Variants in CLTC observed in about 807,000 individuals in gnomAD.
CLTC encodes clathrin heavy chain, also known as clathrin heavy chain 1.
CLTC carries 16 observed loss-of-function variants against 195.8 expected under a neutral mutation model. That is an observed-to-expected ratio of 0.08 (90% CI 0.06 to 0.12). CLTC has a LOEUF of 0.12. CLTC is among the 10% of genes least tolerant of loss of function. CLTC has a pLI of 1.00. For missense variants in CLTC, 796 were observed against 2,027.0 expected (o/e 0.39, Z 11.66); for synonymous variants, 667 against 689.4 (o/e 0.97, Z 0.51).
intron 10 of CLTC, 113 bp downstream of exon 10, chr17:59,665,022 C>G: frequency 7.3e-7 from 1 of 1,363,758 alleles, no homozygotes; most frequent in Admixed American, 2.1e-5. Flanking sequence ...GCCAAGAATT[C>G]AAGACCAGTC....
intron 18 of CLTC, 112 bp downstream of exon 18, chr17:59,679,631 G>A (rs2033041096): frequency 1.1e-6 from 1 of 926,284 alleles, no homozygotes; most frequent in Admixed American, 3.3e-5. Flanking sequence ...AACTATGAGA[G>A]AAAGCAATAC....
intron 1 of CLTC, among the ~76,000 whole-genome samples, chr17:59,631,057 G>A (rs2031699931): frequency 6.6e-6 from 1 of 152,198 alleles, no homozygotes; most frequent in African/African-American, 2.4e-5. Flanking sequence ...CACATCTTCT[G>A]ACAGCTTTTT....
intron 2 of CLTC, among the ~76,000 whole-genome samples, chr17:59,645,584 C>T (rs572949140): frequency 5.3e-5 from 8 of 152,104 alleles, no homozygotes; most frequent in African/African-American, 1.4e-4. Context: ...AGTTCAAGTT[C>T]GCAGTAATTT....
chr17:59,677,336 A>C (rs760243809), intron 17 of CLTC, 148 bp downstream of exon 17: 1 of 633,780 alleles, frequency 1.6e-6, no homozygotes, highest in Non-Finnish European at 2.8e-6. Context: ...GTGAATCTGA[A>C]AGTGGCCAAA....
intron 1 of CLTC, among the ~76,000 whole-genome samples, chr17:59,628,862 A>G (rs973055287): frequency 1.3e-5 from 2 of 152,120 alleles, no homozygotes; most frequent in African/African-American, 4.8e-5. Context: ...GGGTTTCACC[A>G]TGTTGGCCAG....
intron 1 of CLTC, among the ~76,000 whole-genome samples, chr17:59,637,509 G>C (rs1412049687): frequency 6.7e-6 from 1 of 149,454 alleles, no homozygotes; most frequent in Non-Finnish European, 1.5e-5. Context: ...CTCCCAAAGT[G>C]CTGGGATTAC....
chr17:59,621,769 C>T (rs1037356591), intron 1 of CLTC, among the ~76,000 whole-genome samples: 9 of 151,706 alleles, frequency 5.9e-5, no homozygotes. Context: ...TTTTTTTGAT[C>T]AATCCAAGTT....
chr17:59,621,833 T>G (rs2031389400), intron 1 of CLTC, among the ~76,000 whole-genome samples: 1 of 152,190 alleles, frequency 6.6e-6, no homozygotes, highest in African/African-American at 2.4e-5. Context: ...TGTGGAGAGT[T>G]GAGGGGTGCT....
chr17:59,651,758 T>G (rs755960246), intron 5 of CLTC, among the ~76,000 whole-genome samples: 1 of 152,236 alleles, frequency 6.6e-6, no homozygotes, highest in African/African-American at 2.4e-5. Flanking sequence ...CTTTTCTCAA[T>G]GTCGATGGCT....
At chr17:59,669,378 T>G (rs950466726) in intron 14 of CLTC, among the ~76,000 whole-genome samples, 2 of 152,184 alleles carry the variant, frequency 1.3e-5, no homozygotes, top group Non-Finnish European at 2.9e-5. Context: ...TCATCAAGTT[T>G]GCTCAACTCT....
intron 18 of CLTC, 147 bp from the exon 19 acceptor site, chr17:59,680,765 G>A (rs113697694): frequency 4.5e-5 from 25 of 560,544 alleles, no homozygotes; most frequent in Non-Finnish European, 6.6e-5. Context: ...ATAGATTTGT[G>A]TAGAAAGACC....
At chr17:59,632,285 G>C (rs565637191) in intron 1 of CLTC, among the ~76,000 whole-genome samples, 2 of 150,402 alleles carry the variant, frequency 1.3e-5, no homozygotes, top group African/African-American at 4.9e-5. Context: ...GCAGAATGGC[G>C]TGAACCCAGG....
intron 1 of CLTC, 108 bp from the exon 2 acceptor site, chr17:59,644,168 G>A (rs1399195907): frequency 1.3e-6 from 1 of 794,400 alleles, no homozygotes; most frequent in East Asian, 2.6e-5. Flanking sequence ...AGATGTTATT[G>A]TGACCTTGAA....
intron 30 of CLTC, among the ~76,000 whole-genome samples, chr17:59,688,389 TTTCAGTAGTACAGATGGAACTGAA>T (rs1283968902): frequency 6.6e-6 from 1 of 152,232 alleles, no homozygotes; most frequent in Non-Finnish European, 1.5e-5. Flanking sequence ...TTTAGTGAAT[TTTCAGTAGTACAGATGGAACTGAA>T]TTCATTGACA....
chr17:59,651,020 T>C (rs1435691105), intron 4 of CLTC, among the ~76,000 whole-genome samples, 183 bp from the exon 5 acceptor site: 2 of 152,220 alleles, frequency 1.3e-5, no homozygotes, highest in Non-Finnish European at 2.9e-5. Context: ...CTCACCATAA[T>C]GTTCATGAAA....
At chr17:59,624,835 A>C (rs1391308018) in intron 1 of CLTC, among the ~76,000 whole-genome samples, 1 of 152,070 alleles carries the variant, frequency 6.6e-6, no homozygotes, top group Non-Finnish European at 1.5e-5. Context: ...AAATTAATTA[A>C]TTTTGGGTTT....
chr17:59,693,948 C>A lies in CLTC; in HGVS notation c.*96C>A. The A allele has an allele frequency of 7.8e-7, 1 of 1,279,058 alleles. No homozygotes were observed. The highest frequency in any genetic ancestry group is 1.0e-6 in the Non-Finnish European group (1 of 965,370). 79.2% of individuals were successfully genotyped at this position (1,279,058 alleles called of 1,614,324 possible). On this transcript the variant is annotated 3_prime_UTR_variant, in exon 32 of 32. Transcript: ENST00000269122. ...AATGGGGGAAAACAGGCAACGTGTTCTTGTAACCTTTATTTCATGAAGGAC... is the reference window on the plus strand; with the variant it reads ...AATGGGGGAAAACAGGCAACGTGTTATTGTAACCTTTATTTCATGAAGGAC...
chr17:59,625,879 T>TC (rs1235577947), intron 1 of CLTC, among the ~76,000 whole-genome samples: 2 of 152,210 alleles, frequency 1.3e-5, no homozygotes, highest in Non-Finnish European at 2.9e-5. Context: ...TGCTTTTTTT[T>TC]CTCTGGGAAA....
At chr17:59,647,792 C>T (rs1020533812) in intron 3 of CLTC, 126 bp downstream of exon 3, 2 of 846,120 alleles carry the variant, frequency 2.4e-6, no homozygotes, top group Non-Finnish European at 3.7e-6. Flanking sequence ...TTTTGGAAGA[C>T]TTTTTTTTTC....
Sources: gnomAD v4.1 joint callset for allele counts (sites outside exome capture counted in the v4.1 genomes callset) on GRCh38, gnomAD v4.1.1 for gene constraint, MANE v1.5 for transcripts, NCBI Gene and HGNC (gene_info 2026-07-23, HGNC 2026-07-21) for gene names.